IL1R1: variants seen among roughly 807,000 people sequenced by gnomAD.
IL1R1 encodes the protein interleukin-1 receptor type 1.
A neutral mutation model predicts 50.2 loss-of-function variants in IL1R1; 22 were observed. The observed-to-expected ratio is 0.44, with a 90% CI of 0.31 to 0.63. The LOEUF is 0.63. IL1R1 is among the 20% of genes least tolerant of loss of function. The pLI is 0.07. For synonymous variants in IL1R1, 251 were observed against 236.7 expected, an observed-to-expected ratio of 1.06 and a Z score of -0.55; for missense variants, 509 against 676.2, an observed-to-expected ratio of 0.75 and a Z score of 2.74.
At chr2:102,109,676 A>G (rs13014284) in intron 1 of IL1R1, among the ~76,000 whole-genome samples, 42,502 of 152,030 alleles carry the variant, frequency 0.28, 6,841 homozygotes, top group African/African-American at 0.45. Flanking sequence ...GCCAATGTGA[A>G]ATGGATTTGA....
At chr2:102,100,142 G>A (rs1394055365), upstream of IL1R1, among the ~76,000 whole-genome samples, 1 of 152,150 alleles carries the variant, frequency 6.6e-6, no homozygotes, top group Admixed American at 6.5e-5. Flanking sequence ...GGTTCTTTTG[G>A]CCAATGCCAA....
At chr2:102,072,185 G>A (rs1470805880) in intron 1 of IL1R1, among the ~76,000 whole-genome samples, 1 of 151,822 alleles carries the variant, frequency 6.6e-6, no homozygotes, top group Non-Finnish European at 1.5e-5. Context: ...GCTTGAACCC[G>A]GGAGGTGGAG....
intron 1 of IL1R1, among the ~76,000 whole-genome samples, chr2:102,126,253 G>T (rs1003447407): frequency 6.6e-6 from 1 of 152,162 alleles, no homozygotes; most frequent in Non-Finnish European, 1.5e-5. Flanking sequence ...AAGACAGAAA[G>T]GAGTTGTCAG....
At chr2:102,090,662 G>T (rs757803908) in intron 1 of IL1R1, among the ~76,000 whole-genome samples, 17 of 152,036 alleles carry the variant, frequency 1.1e-4, no homozygotes, top group Non-Finnish European at 1.8e-4. Flanking sequence ...CCTTTTTATA[G>T]ATTTCAATCC....
Position 102,166,282 on chromosome 2 carries a change from G to A in IL1R1, c.655+1G>A, listed in dbSNP as rs775091317. Reference sequence around the variant, plus strand: ...CGGGTAATAGAATTTATTACTCTAGGTGAGTCATAGCTCCAGCCCTAAAAG... The same window carrying A: ...CGGGTAATAGAATTTATTACTCTAGATGAGTCATAGCTCCAGCCCTAAAAG... On this transcript the variant is annotated splice_donor_variant, in intron 6 of 11. Coordinates refer to ENST00000410023, the MANE Select transcript of IL1R1 (RefSeq NM_000877.4). LOFTEE classifies it high-confidence loss of function. 6.2e-7 allele frequency: 1 copy of A among 1,609,278 alleles called. No homozygotes were observed. The highest frequency in any genetic ancestry group is 1.1e-5 in the South Asian group (1 of 90,690).
chr2:102,088,176 A>G (rs2104304705), intron 1 of IL1R1, among the ~76,000 whole-genome samples: 1 of 152,344 alleles, frequency 6.6e-6, no homozygotes, highest in East Asian at 1.9e-4. Context: ...TAGAATGGTG[A>G]ATCCTTTCCA....
chr2:102,175,335 T>C (rs1428147514), intron 10 of IL1R1, 143 bp from the exon 11 acceptor site: 1 of 666,762 alleles, frequency 1.5e-6, no homozygotes, highest in Non-Finnish European at 2.7e-6. Context: ...AAAGGGATTA[T>C]ATTTTTGGTA....
intron 1 of IL1R1, among the ~76,000 whole-genome samples, chr2:102,071,901 A>T (rs112884014): frequency 3.3e-5 from 5 of 152,164 alleles, no homozygotes; most frequent in Non-Finnish European, 7.3e-5. Context: ...TGGACTATAC[A>T]TCCTCCACAA....
intron 1 of IL1R1, among the ~76,000 whole-genome samples, chr2:102,096,408 T>G (rs992476347): frequency 2.0e-5 from 3 of 152,362 alleles, no homozygotes; most frequent in Non-Finnish European, 4.4e-5. Context: ...TGAAAGTTGT[T>G]TGCCTACCTC....
rs143419953 is a variant in IL1R1 at position 102,081,704 on chromosome 2, C to T, written c.-84+11171C>T. 5.4e-3 allele frequency among the ~76,000 whole-genome samples: 824 copies of T among 152,314 alleles called. 5 individuals carry two copies. The highest frequency in any genetic ancestry group is 0.019 in the African/African-American group (777 of 41,566). ...GCCTGAATGGCGACTTGATTCTCATCTGAATATCAGAGAAACACATGTGTT... is the reference window on the plus strand; with the variant it reads ...GCCTGAATGGCGACTTGATTCTCATTTGAATATCAGAGAAACACATGTGTT... On this transcript the variant is annotated intron_variant, in intron 1 of 11. Transcript: ENST00000409929.
intron 1 of IL1R1, among the ~76,000 whole-genome samples, chr2:102,084,489 A>T (rs1214398320): frequency 6.6e-6 from 1 of 152,220 alleles, no homozygotes; most frequent in East Asian, 1.9e-4. Context: ...GTACAAAGTT[A>T]ACCAGTCTTA....
At chr2:102,174,526 C>T in intron 9 of IL1R1, 61 bp from the exon 10 acceptor site, 1 of 1,330,518 alleles carries the variant, frequency 7.5e-7, no homozygotes, top group Non-Finnish European at 1.0e-6. Flanking sequence ...TTGCTGTGCT[C>T]AAAGTTTTAA....
intron 1 of IL1R1, among the ~76,000 whole-genome samples, chr2:102,147,443 TGCAATAGTG>T (rs1461548933): frequency 6.6e-6 from 1 of 152,090 alleles, no homozygotes; most frequent in Non-Finnish European, 1.5e-5. Flanking sequence ...ACAAGTCCAG[TGCAATAGTG>T]GCCTTGGCAT....
At chr2:102,127,554 A>G (rs922613911) in intron 1 of IL1R1, among the ~76,000 whole-genome samples, 1 of 152,118 alleles carries the variant, frequency 6.6e-6, no homozygotes, top group African/African-American at 2.4e-5. Context: ...GTAGACAGTT[A>G]ATTAACAAGA....
chr2:102,164,145 A>G (rs1684963505), intron 3 of IL1R1, among the ~76,000 whole-genome samples: 1 of 152,060 alleles, frequency 6.6e-6, no homozygotes. Context: ...ACTGATACTC[A>G]GCTGAAAACT....
chr2:102,164,761 C>T lies in IL1R1; in HGVS notation c.62-13C>T. 3 of 1,586,238 alleles carry T rather than the reference C, an allele frequency of 1.9e-6. No homozygotes were observed. Among genetic ancestry groups the T allele is most frequent in the Non-Finnish European group, 2.6e-6 (3 of 1,156,770 alleles). On this transcript the variant is annotated splice_polypyrimidine_tract_variant and intron_variant, in intron 3 of 11. Coordinates refer to ENST00000410023, the MANE Select transcript of IL1R1 (RefSeq NM_000877.4). ...TTTTATGTAAATTGCTTCCACCCTT[C>T]TTCCTTTTAAAGATAAATGCAAGGA...
rs10181737 is a variant in IL1R1, at chr2:102,090,212, C to A, written c.-84+19679C>A. Among the ~76,000 whole-genome samples the A allele has an allele frequency of 1.3e-4, 20 of 150,376 alleles. No homozygotes were observed. In the South Asian group the frequency reaches 1.5e-3, roughly 11 times the overall value. On this transcript the variant is annotated intron_variant, in intron 1 of 11. Transcript: ENST00000409929. Reference sequence around the variant, plus strand: ...TTTGTCCCCTCCTCATCACCACCACCACCTACCATGGGGAGTTTTGGGTGC... The same window carrying A: ...TTTGTCCCCTCCTCATCACCACCACAACCTACCATGGGGAGTTTTGGGTGC...
chr2:102,150,068 C>T (rs1173214911), intron 1 of IL1R1, among the ~76,000 whole-genome samples: 1 of 152,110 alleles, frequency 6.6e-6, no homozygotes, highest in Admixed American at 6.5e-5. Flanking sequence ...AGGCAGGGCT[C>T]ACAATGTGGG....
chr2:102,113,035 C>T (rs1035379750), intron 1 of IL1R1, among the ~76,000 whole-genome samples: 1 of 152,128 alleles, frequency 6.6e-6, no homozygotes, highest in Non-Finnish European at 1.5e-5. Context: ...TCTGTCAGAA[C>T]CGTGATCTTA....
Sources: allele counts gnomAD v4.1 joint callset (sites outside exome capture counted in the v4.1 genomes callset), GRCh38; gene constraint gnomAD v4.1.1; transcripts MANE v1.5; gene names NCBI Gene and HGNC (gene_info 2026-07-23, HGNC 2026-07-21).